PKD2L1: variants seen among roughly 807,000 people sequenced by gnomAD.
The protein encoded by PKD2L1 is polycystin-2-like protein 1.
In PKD2L1, 77 loss-of-function variants were observed where a neutral mutation model predicts 93.0. The ratio of observed to expected loss-of-function variants is 0.83; its 90% CI spans 0.69 to 1.00. PKD2L1 has a LOEUF of 1.00. Among genes scored for constraint, PKD2L1 ranks in the 50% least tolerant of loss-of-function variants. PKD2L1 has a pLI of 0.00. For synonymous variants in PKD2L1, 390 were observed against 388.0 expected (o/e 1.01, Z -0.06); for missense variants, 977 against 990.9 (o/e 0.99, Z 0.19).
chr10:100,314,518 G>A (rs1296103048), intron 2 of PKD2L1, among the ~76,000 whole-genome samples: 1 of 152,176 alleles, frequency 6.6e-6, no homozygotes, highest in Non-Finnish European at 1.5e-5. Flanking sequence ...CTTCTCTGCA[G>A]TGTGATTTAT....
chr10:100,303,063 T>G (rs1489848176), intron 2 of PKD2L1, among the ~76,000 whole-genome samples: 1 of 152,130 alleles, frequency 6.6e-6, no homozygotes, highest in African/African-American at 2.4e-5. Context: ...AAAGAGAGAA[T>G]GAGAAAGGAG....
chr10:100,305,890 A>T (rs1169090033), intron 2 of PKD2L1, among the ~76,000 whole-genome samples: 1 of 152,096 alleles, frequency 6.6e-6, no homozygotes, highest in African/African-American at 2.4e-5. Flanking sequence ...GCTTTTTAAA[A>T]CACAAATTGC....
intron 2 of PKD2L1, among the ~76,000 whole-genome samples, chr10:100,310,902 G>T (rs1848918571): frequency 6.6e-6 from 1 of 151,990 alleles, no homozygotes; most frequent in Non-Finnish European, 1.5e-5. Flanking sequence ...GTAGAGACAG[G>T]GTTTCACATT....
rs1848928910 is a variant in PKD2L1 at position 100,311,356 on chromosome 10, A to T, written c.350-11638T>A. On this transcript the variant is annotated intron_variant, in intron 2 of 15. Coordinates refer to ENST00000318222, the MANE Select transcript of PKD2L1 (RefSeq NM_016112.3). ...GTTCTAACAGGCTATATTTTACTGT[A>T]TCTGCACTTTTTAACATGAGCTCTG... is the stretch of plus-strand genomic sequence containing the variant. Among the ~76,000 whole-genome samples, 9 of 152,160 alleles carry T rather than the reference A, an allele frequency of 5.9e-5. No individual in the cohort carries two copies. The South Asian group carries it at 1.9e-3, about 32-fold the overall frequency.
chr10:100,293,381 T>C lies in PKD2L1; in HGVS notation c.1660-2A>G, dbSNP rs2134378095. 1.2e-6 allele frequency: 2 copies of C among 1,602,356 alleles called. No homozygotes were observed. The highest frequency in any genetic ancestry group is 2.2e-5 in the East Asian group (1 of 44,840). ...ATTGATGATGGCCAGGAACATGTTC[T>C]GGAAAATGAAGTGGGGACCTGGGTC... On this transcript the variant is annotated splice_acceptor_variant, in intron 9 of 15. Coordinates refer to ENST00000318222, the MANE Select transcript of PKD2L1 (RefSeq NM_016112.3). LOFTEE classifies it high-confidence loss of function.
chr10:100,321,009 G>T (rs1849214793), intron 2 of PKD2L1, among the ~76,000 whole-genome samples: 1 of 152,204 alleles, frequency 6.6e-6, no homozygotes, highest in East Asian at 1.9e-4. Flanking sequence ...AACAACCAGA[G>T]AAATGTTTTA....
chr10:100,310,496 C>T (rs1013609220), intron 2 of PKD2L1, among the ~76,000 whole-genome samples: 1 of 152,122 alleles, frequency 6.6e-6, no homozygotes, highest in South Asian at 2.1e-4. Context: ...ATCATTAAGT[C>T]CTCAGGCTCT....
intron 2 of PKD2L1, among the ~76,000 whole-genome samples, chr10:100,321,662 GAAAAGAAA>G (rs1849230783): frequency 1.0e-5 from 1 of 99,818 alleles, no homozygotes; most frequent in Non-Finnish European, 1.9e-5. Flanking sequence ...AACAGAGTGA[GAAAAGAAA>G]GAAAGAAAGA....
chr10:100,320,725 T>C (rs754460304), intron 2 of PKD2L1, among the ~76,000 whole-genome samples: 3 of 152,246 alleles, frequency 2.0e-5, no homozygotes, highest in Admixed American at 1.3e-4. Context: ...TACCATCTTA[T>C]ACCTATTTAA....
In PKD2L1 at chr10:100,296,301, CAG is replaced by C. The variant is rs1308029281; in HGVS notation, c.1186-11_1186-10del. ...ACAGCCACAATGGAGAGCTGTCACA[CAG>C]GGGTCATGGGGGTGTCAGAGAAGGC... On this transcript the variant is annotated splice_polypyrimidine_tract_variant and intron_variant, in intron 6 of 15. Coordinates refer to ENST00000318222, the MANE Select transcript of PKD2L1 (RefSeq NM_016112.3). The C allele has an allele frequency of 6.3e-7, 1 of 1,581,908 alleles. No homozygotes were observed. The highest frequency in any genetic ancestry group is 1.4e-5 in the African/African-American group (1 of 72,654).
chr10:100,290,319 A>C, intron 13 of PKD2L1, 82 bp downstream of exon 13: 1 of 1,283,894 alleles, frequency 7.8e-7, no homozygotes, highest in Non-Finnish European at 1.1e-6. Flanking sequence ...AGAGAATTGG[A>C]AAGTTGTGGG....
chr10:100,296,911 G>C, intron 6 of PKD2L1, 69 bp downstream of exon 6: 1 of 987,258 alleles, frequency 1.0e-6, no homozygotes, highest in Non-Finnish European at 1.6e-6. Flanking sequence ...GAAGAACCTG[G>C]AGCCCCTATT....
At chr10:100,296,587 C>G (rs1000291608) in intron 6 of PKD2L1, among the ~76,000 whole-genome samples, 1 of 152,080 alleles carries the variant, frequency 6.6e-6, no homozygotes, top group African/African-American at 2.4e-5. Context: ...CCACCACTTC[C>G]AAGCTTTGGT....
At chr10:100,312,596 A>C (rs1056422368) in intron 2 of PKD2L1, among the ~76,000 whole-genome samples, 1 of 152,172 alleles carries the variant, frequency 6.6e-6, no homozygotes, top group Admixed American at 6.5e-5. Context: ...GATACCTAGA[A>C]GACTGGAGAT....
At chr10:100,309,688 C>A (rs1848887220) in intron 2 of PKD2L1, among the ~76,000 whole-genome samples, 1 of 152,132 alleles carries the variant, frequency 6.6e-6, no homozygotes, top group African/African-American at 2.4e-5. Context: ...CCTTGTAACC[C>A]ATTTCAGGTC....
chr10:100,294,588 G>A lies in PKD2L1; in HGVS notation c.1606C>T (p.Leu536=), dbSNP rs982539460. The A allele has an allele frequency of 6.8e-6, 11 of 1,614,050 alleles. No homozygotes were observed. The highest frequency in any genetic ancestry group is 9.3e-6 in the Non-Finnish European group (11 of 1,179,964). The change falls in exon 9 of 16, where the codon CTG becomes TTG. Residue 536 remains leucine (L), a synonymous_variant. Transcript: ENST00000318222. ...TAGGTGACAAAGTAGGCAGGGCCCAGGATGCGGTTGGCATTGTCGATAGCA... is the reference window on the plus strand; with the variant it reads ...TAGGTGACAAAGTAGGCAGGGCCCAAGATGCGGTTGGCATTGTCGATAGCA... ...YNAIDNANRI[L]GPAYFVTYVF... is the part of the protein sequence containing the mutation.
chr10:100,320,237 A>C (rs1488927746), intron 2 of PKD2L1, among the ~76,000 whole-genome samples: 1 of 152,260 alleles, frequency 6.6e-6, no homozygotes, highest in Non-Finnish European at 1.5e-5. Context: ...ATCTCTGTGT[A>C]AGGTTTAAAG....
intron 3 of PKD2L1, 141 bp from the exon 4 acceptor site, chr10:100,298,956 A>C (rs1262947922): frequency 1.8e-6 from 1 of 564,392 alleles, no homozygotes; most frequent in African/African-American, 2.2e-5. Context: ...TATTATTATT[A>C]TTATTTTAAG....
rs200777805 is a variant in PKD2L1, at chr10:100,296,034, C to CAA, written c.1356+86_1356+87dup. The CAA allele has an allele frequency of 8.5e-3, 8,215 of 971,942 alleles. 20 individuals are homozygous for CAA. The highest frequency in any genetic ancestry group is 0.042 in the Middle Eastern group (166 of 3,956). 60.2% of individuals were successfully genotyped at this position (971,942 alleles called of 1,614,324 possible). A position where few individuals can be genotyped will look rare whatever the true frequency, so the allele number is the denominator to read the frequency against. On this transcript the variant is annotated intron_variant, in intron 7 of 15. Coordinates refer to ENST00000318222, the MANE Select transcript of PKD2L1 (RefSeq NM_016112.3). ...CCTGGGCAAGAGCGAGACTCCATCT[C>CAA]AAAAAAAAAAAAAAGAAAAAAAAGA...
Sources: gnomAD v4.1 joint callset for allele counts (sites outside exome capture counted in the v4.1 genomes callset) on GRCh38, gnomAD v4.1.1 for gene constraint, MANE v1.5 for transcripts, NCBI Gene and HGNC (gene_info 2026-07-23, HGNC 2026-07-21) for gene names.